The following IL1R1 variants were observed in gnomAD, a reference collection of about 807,000 sequenced individuals.
IL1R1 encodes interleukin-1 receptor type 1.
IL1R1 carries 22 observed loss-of-function variants against 50.2 expected under a neutral mutation model. The ratio of observed to expected loss-of-function variants is 0.44; its 90% CI spans 0.31 to 0.63. The LOEUF is 0.63. Ranked by LOEUF, IL1R1 falls within the 20% of genes least tolerant of loss-of-function variation. The pLI is 0.07. For synonymous variants in IL1R1, 251 were observed against 236.7 expected, an observed-to-expected ratio of 1.06 and a Z score of -0.55; for missense variants, 509 against 676.2, an observed-to-expected ratio of 0.75 and a Z score of 2.74.
chr2:102,084,389 G>A (rs1679349395), intron 1 of IL1R1, among the ~76,000 whole-genome samples: 1 of 152,140 alleles, frequency 6.6e-6, no homozygotes, highest in Non-Finnish European at 1.5e-5. Context: ...GTACAGCCCT[G>A]TAATAATAGA....
chr2:102,079,424 T>C (rs905803059), intron 1 of IL1R1, among the ~76,000 whole-genome samples: 14 of 152,116 alleles, frequency 9.2e-5, no homozygotes, highest in Admixed American at 3.3e-4. Context: ...AATCAATATA[T>C]GAAAATTAAT....
At chr2:102,170,196 G>T (rs1361365290) in intron 7 of IL1R1, among the ~76,000 whole-genome samples, 1 of 152,168 alleles carries the variant, frequency 6.6e-6, no homozygotes, top group Non-Finnish European at 1.5e-5. Context: ...TGTTAAACAG[G>T]CAATAAGATC....
chr2:102,132,914 C>T (rs1046734404), intron 1 of IL1R1, among the ~76,000 whole-genome samples: 4 of 152,154 alleles, frequency 2.6e-5, no homozygotes, highest in East Asian at 3.8e-4. Flanking sequence ...GATGACTTGA[C>T]TAGCCCTCTA....
chr2:102,116,625 T>A (rs1472947066), intron 1 of IL1R1, among the ~76,000 whole-genome samples: 2 of 152,208 alleles, frequency 1.3e-5, no homozygotes, highest in African/African-American at 4.8e-5. Context: ...GTAGTTGAGA[T>A]CACTTTTTCT....
intron 1 of IL1R1, among the ~76,000 whole-genome samples, chr2:102,086,911 A>G (rs1679455947): frequency 6.6e-6 from 1 of 152,176 alleles, no homozygotes; most frequent in East Asian, 1.9e-4. Context: ...TAAGATGTAG[A>G]ATTCCAGTTT....
intron 1 of IL1R1, among the ~76,000 whole-genome samples, chr2:102,094,967 G>T (rs1679835828): frequency 6.6e-6 from 1 of 152,096 alleles, no homozygotes; most frequent in African/African-American, 2.4e-5. Context: ...ATTACAAAGG[G>T]GCGTGAGAAA....
chr2:102,119,346 T>G (rs765115467), intron 1 of IL1R1, among the ~76,000 whole-genome samples: 5 of 152,244 alleles, frequency 3.3e-5, no homozygotes, highest in Non-Finnish European at 7.3e-5. Flanking sequence ...GAAACCAAAT[T>G]GTTCTTCCTT....
intron 1 of IL1R1, among the ~76,000 whole-genome samples, chr2:102,089,380 T>C (rs547627195): frequency 6.6e-6 from 1 of 152,304 alleles, no homozygotes; most frequent in South Asian, 2.1e-4. Flanking sequence ...TATTAACTTT[T>C]CTGTCTTATG....
intron 1 of IL1R1, among the ~76,000 whole-genome samples, chr2:102,133,325 A>G (rs1470705234): frequency 3.9e-5 from 6 of 152,150 alleles, no homozygotes; most frequent in South Asian, 2.1e-4. Flanking sequence ...CAAACATTTA[A>G]AGAAAATATA....
chr2:102,070,597 A>T (rs1030746705), intron 1 of IL1R1: 1 of 152,200 alleles, frequency 6.6e-6, no homozygotes, highest in African/African-American at 2.4e-5. Flanking sequence ...TGTCGTTTTC[A>T]GAGTGGGAAG....
At chr2:102,083,678 G>A (rs142549381) in intron 1 of IL1R1, among the ~76,000 whole-genome samples, 8,421 of 152,168 alleles carry the variant, frequency 0.055, 346 homozygotes, top group Non-Finnish European at 0.079. Context: ...AGGTGTGGTG[G>A]CTCACACCTG....
At chr2:102,151,727 C>G (rs780057218) in intron 1 of IL1R1, among the ~76,000 whole-genome samples, 4 of 152,228 alleles carry the variant, frequency 2.6e-5, no homozygotes, top group Non-Finnish European at 5.9e-5. Flanking sequence ...GAGCAGATGT[C>G]TGCAAGGGCG....
At chr2:102,072,679 G>A (rs1236695856) in intron 1 of IL1R1, among the ~76,000 whole-genome samples, 1 of 152,024 alleles carries the variant, frequency 6.6e-6, no homozygotes, top group East Asian at 1.9e-4. Context: ...TGTGAGAATT[G>A]TTTATTTATT....
chr2:102,092,853 C>T (rs1679735290), intron 1 of IL1R1, among the ~76,000 whole-genome samples: 1 of 151,536 alleles, frequency 6.6e-6, no homozygotes, highest in South Asian at 2.1e-4. Flanking sequence ...TTTTTTTCAG[C>T]CAGAGTAAGT....
chr2:102,111,685 G>C (rs371202068), intron 1 of IL1R1, among the ~76,000 whole-genome samples: 2 of 152,132 alleles, frequency 1.3e-5, no homozygotes, highest in Admixed American at 1.3e-4. Context: ...AGAGCAGGAA[G>C]GGGACAGTGA....
intron 1 of IL1R1, among the ~76,000 whole-genome samples, chr2:102,153,614 T>C (rs1683897561): frequency 6.6e-6 from 1 of 152,172 alleles, no homozygotes; most frequent in Non-Finnish European, 1.5e-5. Context: ...CAGTTTTTCC[T>C]ATGCTGTTCT....
At chr2:102,103,422 T>A (rs573255328), upstream of IL1R1, among the ~76,000 whole-genome samples, 14 of 152,222 alleles carry the variant, frequency 9.2e-5, no homozygotes, top group African/African-American at 3.1e-4. Flanking sequence ...GTGGCAGAAT[T>A]GAGGCTGCAG....
chr2:102,174,507 A>T (rs1578045151), intron 9 of IL1R1, 80 bp from the exon 10 acceptor site: 2 of 1,062,344 alleles, frequency 1.9e-6, no homozygotes, highest in Admixed American at 2.9e-5. Context: ...TGAGACGAAG[A>T]TATTTAATTT....
chr2:102,174,803 A>G, intron 10 of IL1R1, 73 bp downstream of exon 10: 1 of 1,300,922 alleles, frequency 7.7e-7, no homozygotes, highest in Non-Finnish European at 1.0e-6. Context: ...AAGATGACTA[A>G]GAGGGTTTTT....
Sources: allele counts gnomAD v4.1 joint callset (sites outside exome capture counted in the v4.1 genomes callset), GRCh38; gene constraint gnomAD v4.1.1; transcripts MANE v1.5; gene names NCBI Gene and HGNC (gene_info 2026-07-23, HGNC 2026-07-21).